MXD1: variants seen among roughly 807,000 people sequenced by gnomAD.
MXD1 encodes the protein MAX-binding protein.
MXD1 carries 9 observed loss-of-function variants against 25.7 expected under a neutral mutation model. The observed-to-expected ratio is 0.35, with a 90% CI of 0.21 to 0.61. The LOEUF is 0.61. Among genes scored for constraint, MXD1 ranks in the 20% least tolerant of loss-of-function variants. MXD1 has a pLI of 0.75. For missense variants in MXD1, 227 were observed against 292.4 expected (o/e 0.78, Z 1.63); for synonymous variants, 99 against 113.9 (o/e 0.87, Z 0.83).
At chr2:69,930,839 C>A (rs921902120) in intron 3 of MXD1, among the ~76,000 whole-genome samples, 9 of 152,166 alleles carry the variant, frequency 5.9e-5, no homozygotes, top group African/African-American at 2.2e-4. Flanking sequence ...TACTCCCTGT[C>A]AGACCCTGAC....
chr2:69,916,014 C>G (rs1558566572), intron 1 of MXD1, 107 bp from the exon 2 acceptor site: 2 of 708,604 alleles, frequency 2.8e-6, no homozygotes, highest in East Asian at 5.5e-5. Flanking sequence ...TAATTATTTC[C>G]ACAATATTCT....
chr2:69,935,518 G>T, intron 4 of MXD1, 53 bp downstream of exon 4: 1 of 1,285,716 alleles, frequency 7.8e-7, no homozygotes, highest in South Asian at 1.2e-5. Context: ...GTGAGGGTTT[G>T]TCTGTTGTTA....
At chr2:69,937,699 C>T (rs954464209) in intron 5 of MXD1, among the ~76,000 whole-genome samples, 17 of 152,302 alleles carry the variant, frequency 1.1e-4, no homozygotes, top group African/African-American at 3.8e-4. Flanking sequence ...ACTGCAACCT[C>T]CGCCTCCCGG....
At chr2:69,924,170 G>C (rs1029680982) in intron 3 of MXD1, among the ~76,000 whole-genome samples, 2 of 152,168 alleles carry the variant, frequency 1.3e-5, no homozygotes, top group Non-Finnish European at 2.9e-5. Flanking sequence ...TTGTCCAATG[G>C]GAAAGATGCA....
intron 3 of MXD1, among the ~76,000 whole-genome samples, chr2:69,930,973 T>C (rs933520099): frequency 1.1e-4 from 17 of 152,206 alleles, no homozygotes; most frequent in Admixed American, 4.6e-4. Context: ...TTGCCCAGGG[T>C]CACACAGGGA....
At chr2:69,926,602 A>G (rs1677175611) in intron 3 of MXD1, among the ~76,000 whole-genome samples, 1 of 152,212 alleles carries the variant, frequency 6.6e-6, no homozygotes, top group African/African-American at 2.4e-5. Flanking sequence ...CAGGTCTTAT[A>G]CATGTCCTGT....
chr2:69,928,405 G>T (rs562631529), intron 3 of MXD1, among the ~76,000 whole-genome samples: 2 of 152,174 alleles, frequency 1.3e-5, no homozygotes, highest in African/African-American at 4.8e-5. Context: ...AATATGTTTG[G>T]TAAGAGCAAA....
intron 3 of MXD1, among the ~76,000 whole-genome samples, chr2:69,927,785 G>T (rs1318098968): frequency 2.0e-5 from 3 of 152,162 alleles, no homozygotes; most frequent in Non-Finnish European, 2.9e-5. Flanking sequence ...TGCTATTTAT[G>T]TATTATTCAC....
chr2:69,915,888 A>G lies in MXD1; in HGVS notation c.74-233A>G, dbSNP rs946272615. Among the ~76,000 whole-genome samples the G allele has an allele frequency of 2.0e-5, 3 of 152,232 alleles. No individual in the cohort carries two copies. Among genetic ancestry groups the G allele is most frequent in the African/African-American group, 7.2e-5 (3 of 41,472 alleles). On this transcript the variant is annotated intron_variant, in intron 1 of 5. Transcript: ENST00000264444. This position sits in a 1 kb window ranked among gnomAD's most constrained non-coding sequence, Gnocchi z 5.8. ...CCCAGGCTGCGTGAGCCTAGCCACT[A>G]CTGTGTCTTTCTCAACAATGAGCAG...
At chr2:69,929,929 A>G (rs1677246298) in intron 3 of MXD1, among the ~76,000 whole-genome samples, 1 of 152,200 alleles carries the variant, frequency 6.6e-6, no homozygotes, top group Admixed American at 6.5e-5. Flanking sequence ...ATACAATTTA[A>G]TATCTGGTAC....
Position 69,938,130 on chromosome 2 carries a change from A to G in MXD1, c.512A>G (p.Tyr171Cys). 1.9e-6 allele frequency: 3 copies of G among 1,614,236 alleles called. No individual in the cohort carries two copies. The highest frequency in any genetic ancestry group is 2.2e-5 in the East Asian group (1 of 44,892). Residue 171 changes from tyrosine to cysteine, a missense_variant, in exon 6 of 6, where the codon TAT becomes TGT. Physicochemically the swap from Tyr to Cys is radical, Grantham distance 194. Coordinates refer to ENST00000264444, the MANE Select transcript of MXD1 (RefSeq NM_002357.4). ...EIDVDVESTD[Y>C]LTGDLDWSSS... Reference sequence around the variant, plus strand: ...GACGTTGACGTGGAGAGCACGGACTATCTCACAGGTGATCTGGACTGGAGC... The same window carrying G: ...GACGTTGACGTGGAGAGCACGGACTGTCTCACAGGTGATCTGGACTGGAGC...
chr2:69,929,493 A>C (rs541049828), intron 3 of MXD1, among the ~76,000 whole-genome samples: 16 of 152,264 alleles, frequency 1.1e-4, no homozygotes, highest in Non-Finnish European at 2.4e-4. Flanking sequence ...GAAGAGCTAC[A>C]GTCAGAATTG....
At chr2:69,920,696 ACTC>A (rs1677048774) in intron 2 of MXD1, among the ~76,000 whole-genome samples, 1 of 152,128 alleles carries the variant, frequency 6.6e-6, no homozygotes. Flanking sequence ...CAGGGAGTAA[ACTC>A]CTGAGCTGGT....
chr2:69,920,213 C>G (rs1429109893), intron 2 of MXD1, among the ~76,000 whole-genome samples: 2 of 151,818 alleles, frequency 1.3e-5, no homozygotes, highest in Non-Finnish European at 2.9e-5. Context: ...GTCTCAATTT[C>G]CTGACCTCAT....
intron 3 of MXD1, among the ~76,000 whole-genome samples, chr2:69,923,194 G>C (rs921785677): frequency 1.3e-5 from 2 of 152,096 alleles, no homozygotes; most frequent in Non-Finnish European, 2.9e-5. Context: ...CTTACCCTTA[G>C]CAATTCTGAT....
intron 3 of MXD1, among the ~76,000 whole-genome samples, chr2:69,926,734 G>A (rs188161554): frequency 7.9e-5 from 12 of 152,226 alleles, no homozygotes; most frequent in African/African-American, 2.9e-4. Flanking sequence ...ACCCTTTATT[G>A]ATGATAATTC....
intron 2 of MXD1, among the ~76,000 whole-genome samples, chr2:69,918,030 G>A (rs2104159044): frequency 6.6e-6 from 1 of 152,300 alleles, no homozygotes; most frequent in African/African-American, 2.4e-5. Flanking sequence ...AGAGCAGGCA[G>A]TTTTCTTTCA....
At position 69,915,407 on chromosome 2, in the gene MXD1, C is replaced by A. The variant is rs891330513; in HGVS notation, c.73+4C>A. On this transcript the variant is annotated splice_donor_region_variant and intron_variant, in intron 1 of 5. Coordinates refer to ENST00000264444, the MANE Select transcript of MXD1 (RefSeq NM_002357.4). The surrounding 1 kb of genome is among the most constrained non-coding windows in gnomAD (Gnocchi z 5.8). ...TATCTGGAGCGGCGGGAGAGAGGTG[C>A]ACGGGGACGGGGAGGGGTCCACTCG... 1 of 1,275,366 alleles carries A rather than the reference C, an allele frequency of 7.8e-7. No homozygotes were observed. The highest frequency in any genetic ancestry group is 2.9e-5 in the South Asian group (1 of 34,566). 79.0% of individuals were successfully genotyped at this position (1,275,366 alleles called of 1,614,324 possible). A position where few individuals can be genotyped will look rare whatever the true frequency, so the allele number is the denominator to read the frequency against.
chr2:69,922,450 C>G (rs1371688884), intron 3 of MXD1, among the ~76,000 whole-genome samples: 51 of 152,172 alleles, frequency 3.4e-4, no homozygotes, highest in Admixed American at 3.3e-3. Context: ...GAATCACTTG[C>G]AAAGCTTTCT....
Sources: gnomAD v4.1 joint callset for allele counts (sites outside exome capture counted in the v4.1 genomes callset) on GRCh38, gnomAD v4.1.1 for gene constraint, Gnocchi (gnomAD v3.1) non-coding constraint, MANE v1.5 for transcripts, NCBI Gene and HGNC (gene_info 2026-07-23, HGNC 2026-07-21) for gene names.